Variants in MED10 observed in about 807,000 individuals in gnomAD.
MED10 encodes mediator of RNA polymerase II transcription subunit 10.
MED10 carries 9 observed loss-of-function variants against 17.2 expected under a neutral mutation model. The ratio of observed to expected loss-of-function variants is 0.52; its 90% confidence interval spans 0.31 to 0.91. The LOEUF (loss-of-function observed/expected upper bound fraction) is 0.91. MED10 is among the 40% of genes least tolerant of loss of function. The pLI is 0.04. For missense variants in MED10, 129 were observed against 164.8 expected (o/e 0.78, Z 1.19); for synonymous variants, 66 against 59.8 (o/e 1.10, Z -0.48).
At position 6,372,619 on chromosome 5, in the gene MED10, T is replaced by C; in HGVS notation, c.310-18A>G. 1 of 1,585,070 alleles carries C rather than the reference T, an allele frequency of 6.3e-7. No homozygotes were observed. Among genetic ancestry groups the C allele is most frequent in the Non-Finnish European group, 8.7e-7 (1 of 1,153,570 alleles). ...TTAAATTTCTACAAAGAAAATACAT[T>C]ATCAAAGGAGCTCTTCACATCAACA... is the stretch of plus-strand genomic sequence containing the variant. On this transcript the variant is annotated intron_variant, in intron 3 of 3. Transcript: ENST00000255764.
At position 6,372,390 on chromosome 5, in the gene MED10, G is replaced by C; in HGVS notation, c.*113C>G. The C allele has an allele frequency of 2.5e-6, 2 of 816,058 alleles. No homozygotes were observed. Among genetic ancestry groups the C allele is most frequent in the Non-Finnish European group, 4.1e-6 (2 of 482,930 alleles). The allele number at this position is 816,058 out of a possible 1,614,324, so 50.6% of individuals were successfully genotyped here. ...ACAATGAGGACAGAGGGGCTGAGGG[G>C]TGTGTCCAGGGCCCAGTCCCACCTC... On this transcript the variant is annotated 3_prime_UTR_variant, in exon 4 of 4. Transcript: ENST00000255764.
Position 6,378,439 on chromosome 5 carries a change from G to A in MED10, c.45C>T (p.Phe15=). ...FDHLEEHLEK[F]VENIRQLGII... Reference sequence around the variant, plus strand: ...TGCCGAGCTGCCGAATGTTCTCCACGAACTTCTCCAGGTGCTCCTCTAGGT... The same window carrying A: ...TGCCGAGCTGCCGAATGTTCTCCACAAACTTCTCCAGGTGCTCCTCTAGGT... The change falls in exon 1 of 4, where the codon TTC becomes TTT. Residue 15 remains phenylalanine (F), a synonymous_variant. Coordinates refer to ENST00000255764, the MANE Select transcript of MED10 (RefSeq NM_032286.3). 1 of 1,613,732 alleles carries A rather than the reference G, an allele frequency of 6.2e-7. No individual in the cohort carries two copies. Among genetic ancestry groups the A allele is most frequent in the Non-Finnish European group, 8.5e-7 (1 of 1,179,884 alleles).
At chr5:6,374,484 T>C (rs1407858000) in intron 2 of MED10, 58 bp from the exon 3 acceptor site, 10 of 1,237,350 alleles carry the variant, frequency 8.1e-6, no homozygotes, top group Admixed American at 5.0e-5. Context: ...TTCTCACAGC[T>C]TTCTGAAAGG....
At chr5:6,375,833 G>A (rs1448850222) in intron 2 of MED10, among the ~76,000 whole-genome samples, 1 of 152,192 alleles carries the variant, frequency 6.6e-6, no homozygotes, top group Non-Finnish European at 1.5e-5. Flanking sequence ...CTCTGTATTA[G>A]GGCTCACTGG....
chr5:6,377,701 A>G (rs62330548), intron 1 of MED10, among the ~76,000 whole-genome samples: 41,102 of 152,014 alleles, frequency 0.27, 5,751 homozygotes, highest in African/African-American at 0.34. Context: ...TTCCCACAGC[A>G]CTAGGTATGG....
chr5:6,372,669 C>A, intron 3 of MED10, 68 bp from the exon 4 acceptor site: 1 of 1,344,452 alleles, frequency 7.4e-7, no homozygotes. Flanking sequence ...TAAAATATGC[C>A]TTTTGGAAGT....
intron 2 of MED10, 100 bp from the exon 3 acceptor site, chr5:6,374,526 T>C: frequency 1.2e-6 from 1 of 822,358 alleles, no homozygotes; most frequent in Non-Finnish European, 2.1e-6. Context: ...TATATATAAC[T>C]GCACACGGCC....
At chr5:6,375,143 A>G (rs1163192879) in intron 2 of MED10, among the ~76,000 whole-genome samples, 2 of 152,190 alleles carry the variant, frequency 1.3e-5, no homozygotes, top group Non-Finnish European at 2.9e-5. Context: ...CTTCCCCCAG[A>G]AATTATCTTC....
At chr5:6,377,559 T>C (rs1432292023) in intron 1 of MED10, among the ~76,000 whole-genome samples, 1 of 152,234 alleles carries the variant, frequency 6.6e-6, no homozygotes, top group African/African-American at 2.4e-5. Flanking sequence ...TGCATATGAC[T>C]GTGTGTGCGG....
In MED10 at chr5:6,371,894, T is replaced by C. The variant is rs1206956767; in HGVS notation, c.*609A>G. On this transcript the variant is annotated 3_prime_UTR_variant, in exon 4 of 4. Coordinates refer to ENST00000255764, the MANE Select transcript of MED10 (RefSeq NM_032286.3). ...AATAATTAACTGTTTACAAGACACA[T>C]TGTATTATATTACAAAAATAATTAC... The C allele has an allele frequency of 2.0e-5, 3 of 152,232 alleles. No homozygotes were observed. Among genetic ancestry groups the C allele is most frequent in the Non-Finnish European group, 2.9e-5 (2 of 68,034 alleles). The allele number at this position is 152,232 out of a possible 1,614,324, so 9.4% of individuals were successfully genotyped here. A position where few individuals can be genotyped will look rare whatever the true frequency, so the allele number is the denominator to read the frequency against.
At position 6,377,191 on chromosome 5, in the gene MED10, T is replaced by C; in HGVS notation, c.181A>G (p.Ile61Val). ...TCAAAAACTTCTAACGGTACAGTAA[T>C]ATCATGAAGCTGCTGTCTGCACTTG... ...IDKCRQQLHD[I>V]TVPLEVFEYI... The change falls in exon 2 of 4, where the codon ATT (isoleucine) becomes GTT (valine). Residue 61 changes from isoleucine to valine, a missense_variant. Ile to Val is a conservative substitution (Grantham distance 29, BLOSUM62 3). Transcript: ENST00000255764. 1 of 1,610,098 alleles carries C rather than the reference T, an allele frequency of 6.2e-7. No individual in the cohort carries two copies. Among genetic ancestry groups the C allele is most frequent in the Non-Finnish European group, 8.5e-7 (1 of 1,177,976 alleles).
rs1411930951 is a variant in MED10 at position 6,372,449 on chromosome 5, G to A, written c.*54C>T. The A allele has an allele frequency of 3.4e-6, 5 of 1,490,046 alleles. No individual in the cohort carries two copies. The highest frequency in any genetic ancestry group is 1.4e-5 in the African/African-American group (1 of 72,478). 92.3% of individuals were successfully genotyped at this position (1,490,046 alleles called of 1,614,324 possible). A position where few individuals can be genotyped will look rare whatever the true frequency, so the allele number is the denominator to read the frequency against. ...GGTGGCGTCAGCACTCGCAGTCCCA[G>A]CCTCACGCCGCATCGCAGTCCCAGG... On this transcript the variant is annotated 3_prime_UTR_variant, in exon 4 of 4. Coordinates refer to ENST00000255764, the MANE Select transcript of MED10 (RefSeq NM_032286.3).
In MED10 at chr5:6,371,907, C is replaced by T. The variant is rs1290573246; in HGVS notation, c.*596G>A. 3 of 152,110 alleles carry T rather than the reference C, an allele frequency of 2.0e-5. No individual in the cohort carries two copies. Among genetic ancestry groups the T allele is most frequent in the Non-Finnish European group, 4.4e-5 (3 of 68,020 alleles). 9.4% of individuals were successfully genotyped at this position (152,110 alleles called of 1,614,324 possible). A position where few individuals can be genotyped will look rare whatever the true frequency, so the allele number is the denominator to read the frequency against. On this transcript the variant is annotated 3_prime_UTR_variant, in exon 4 of 4. Transcript: ENST00000255764. ...TTACAAGACACATTGTATTATATTACAAAAATAATTACATGGAATAAGCCA... is the reference window on the plus strand; with the variant it reads ...TTACAAGACACATTGTATTATATTATAAAAATAATTACATGGAATAAGCCA...
At chr5:6,374,479 A>C in intron 2 of MED10, 53 bp from the exon 3 acceptor site, 86 of 1,268,256 alleles carry the variant, frequency 6.8e-5, no homozygotes, top group Non-Finnish European at 9.5e-5. Context: ...ACCTATTCTC[A>C]CAGCTTTCTG....
chr5:6,376,449 T>A (rs1372448444), intron 2 of MED10, among the ~76,000 whole-genome samples: 1 of 152,212 alleles, frequency 6.6e-6, no homozygotes, highest in Non-Finnish European at 1.5e-5. Flanking sequence ...ACTCTGACAC[T>A]TACTAGGTAA....
intron 3 of MED10, among the ~76,000 whole-genome samples, chr5:6,373,257 C>T (rs560827603): frequency 6.6e-6 from 1 of 152,308 alleles, no homozygotes; most frequent in South Asian, 2.1e-4. Context: ...CGCCAAGAGG[C>T]CACTGTGTGA....
In MED10 at chr5:6,377,243, A is replaced by G. The variant is rs1421682738; in HGVS notation, c.129T>C (p.Phe43=). The change falls in exon 2 of 4, where the codon TTT becomes TTC. Residue 43 remains phenylalanine (F), a synonymous_variant. Transcript: ENST00000255764. ...SQAGLNQKLN[F]IVTGLQDIDK... is the part of the protein sequence containing the mutation. ...CAATATCCTGTAAGCCAGTAACAAT[A>G]AAATTCCTGGGGGAAAGGCAAACAC... is the stretch of plus-strand genomic sequence containing the variant. The G allele has an allele frequency of 6.2e-7, 1 of 1,609,136 alleles. No homozygotes were observed. Among genetic ancestry groups the G allele is most frequent in the African/African-American group, 1.4e-5 (1 of 73,540 alleles).
In MED10 at chr5:6,372,526, C is replaced by G. The variant is rs375921347; in HGVS notation, c.385G>C (p.Gly129Arg). ...EDMAKYRSIR[G>R]EDHPPS is the part of the protein sequence containing the mutation. ...GGTTAAGAAGGCGGGTGATCCTCCCCCCGGATGCTTCGATACTTAGCCATG... is the reference window on the plus strand; with the variant it reads ...GGTTAAGAAGGCGGGTGATCCTCCCGCCGGATGCTTCGATACTTAGCCATG... Residue 129 changes from glycine to arginine, a missense_variant, in exon 4 of 4, where the codon GGG becomes CGG. This residue lies in a region of MED10 where 100 missense variants were observed against 121.0 expected (regional missense o/e 0.83). Coordinates refer to ENST00000255764, the MANE Select transcript of MED10 (RefSeq NM_032286.3). 1.9e-6 allele frequency: 3 copies of G among 1,614,196 alleles called. No homozygotes were observed. Among genetic ancestry groups the G allele is most frequent in the East Asian group, 2.2e-5 (1 of 44,896 alleles).
In MED10 at chr5:6,372,115, A is replaced by G. The variant is rs750893882; in HGVS notation, c.*388T>C. On this transcript the variant is annotated 3_prime_UTR_variant, in exon 4 of 4. Coordinates refer to ENST00000255764, the MANE Select transcript of MED10 (RefSeq NM_032286.3). ...AGTCGTTATTTAGCTTTCGGACACC[A>G]TAATACAATAGAACAGAAAGAGTAT... is the stretch of plus-strand genomic sequence containing the variant. 5.9e-6 allele frequency: 1 copy of G among 168,712 alleles called. No individual in the cohort carries two copies. The highest frequency in any genetic ancestry group is 1.8e-4 in the South Asian group (1 of 5,492). The allele number at this position is 168,712 out of a possible 1,614,324, so 10.5% of individuals were successfully genotyped here.
Sources: allele counts gnomAD v4.1 joint callset (sites outside exome capture counted in the v4.1 genomes callset), GRCh38; gene constraint gnomAD v4.1.1; regional missense constraint gnomAD v4.1.1; transcripts MANE v1.5; gene names NCBI Gene and HGNC (gene_info 2026-07-23, HGNC 2026-07-21).